PDAP1: variants seen among roughly 807,000 people sequenced by gnomAD.
PDAP1 encodes 28 kDa heat- and acid-stable phosphoprotein.
PDAP1 carries 13 observed loss-of-function variants against 28.0 expected under a neutral mutation model. That is an observed-to-expected ratio of 0.46 (90% CI 0.30 to 0.74). The LOEUF is 0.74. PDAP1 is among the 30% of genes least tolerant of loss of function. The probability of loss-of-function intolerance (pLI) is 0.07; values close to 1 mark genes in which losing one functional copy is unlikely to be tolerated. For missense variants in PDAP1, 150 were observed against 230.0 expected, an observed-to-expected ratio of 0.65 and a Z score of 2.25; for synonymous variants, 77 against 85.1, an observed-to-expected ratio of 0.91 and a Z score of 0.52.
intron 1 of PDAP1, among the ~76,000 whole-genome samples, chr7:99,407,637 C>A (rs1795005624): frequency 6.6e-6 from 1 of 152,212 alleles, no homozygotes; most frequent in Non-Finnish European, 1.5e-5. Context: ...AATTTTACCA[C>A]CCCGGCCCCA....
intron 3 of PDAP1, 72 bp downstream of exon 3, chr7:99,403,326 C>T (rs182825751): frequency 1.1e-6 from 1 of 917,272 alleles, no homozygotes; most frequent in African/African-American, 1.6e-5. Flanking sequence ...GGGACTAGTA[C>T]TAAACGGTCA....
chr7:99,405,317 T>C (rs1794953226), intron 1 of PDAP1, among the ~76,000 whole-genome samples: 1 of 151,746 alleles, frequency 6.6e-6, no homozygotes. Context: ...CTGCCGTCAC[T>C]ATAAGGGCTT....
At chr7:99,407,145 T>C (rs1385889820) in intron 1 of PDAP1, among the ~76,000 whole-genome samples, 1 of 152,194 alleles carries the variant, frequency 6.6e-6, no homozygotes, top group Non-Finnish European at 1.5e-5. Flanking sequence ...GGTCCTTTGC[T>C]CTTAGGGAGT....
Position 99,396,244 on chromosome 7 carries a change from GC to G in PDAP1, c.*437del. On this transcript the variant is annotated 3_prime_UTR_variant, in exon 6 of 6. Transcript: ENST00000350498. ...CAGGGGCACAGGCTCCCAGATGATA[GC>G]CCCTCTCTGAATGAGCACCCAGGCA... 1 of 248,408 alleles carries G rather than the reference GC, an allele frequency of 4.0e-6. No homozygotes were observed. The highest frequency in any genetic ancestry group is 1.5e-3 in the Middle Eastern group (1 of 666). 15.4% of individuals were successfully genotyped at this position (248,408 alleles called of 1,614,324 possible). A position where few individuals can be genotyped will look rare whatever the true frequency, so the allele number is the denominator to read the frequency against.
chr7:99,402,712 C>A (rs1324196225), intron 3 of PDAP1, among the ~76,000 whole-genome samples: 1 of 151,266 alleles, frequency 6.6e-6, no homozygotes, highest in East Asian at 1.9e-4. Context: ...GAAACCCTGT[C>A]TCTACTAAAA....
rs1315357838 is a variant in PDAP1 at position 99,396,674 on chromosome 7, G to T, written c.*8C>A. On this transcript the variant is annotated 3_prime_UTR_variant, in exon 6 of 6. Transcript: ENST00000350498. ...CAGGTCCCCGGCATCTCCTCCCACGGGTCGCAGTTACTTATTCAGGGAGAG... is the reference window on the plus strand; with the variant it reads ...CAGGTCCCCGGCATCTCCTCCCACGTGTCGCAGTTACTTATTCAGGGAGAG... 6.2e-7 allele frequency: 1 copy of T among 1,610,400 alleles called. No homozygotes were observed. The highest frequency in any genetic ancestry group is 2.2e-4 in the Middle Eastern group (1 of 4,448).
intron 3 of PDAP1, among the ~76,000 whole-genome samples, chr7:99,400,638 G>A (rs1285551448): frequency 6.6e-6 from 1 of 152,176 alleles, no homozygotes; most frequent in East Asian, 1.9e-4. Flanking sequence ...GCTCGGGGTC[G>A]AATAACTTGC....
At chr7:99,399,325 A>G (rs1193851258) in intron 4 of PDAP1, among the ~76,000 whole-genome samples, 3 of 152,210 alleles carry the variant, frequency 2.0e-5, no homozygotes, top group Admixed American at 2.0e-4. Context: ...GCTGAGCCTC[A>G]GGAATGATGA....
intron 3 of PDAP1, among the ~76,000 whole-genome samples, chr7:99,403,042 A>G (rs986345773): frequency 9.2e-5 from 14 of 152,140 alleles, no homozygotes; most frequent in African/African-American, 3.4e-4. Context: ...GAACATGCCA[A>G]GCTTATTCCC....
intron 5 of PDAP1, 27 bp downstream of exon 5, chr7:99,397,835 T>C: frequency 1.9e-6 from 3 of 1,609,170 alleles, no homozygotes; most frequent in Non-Finnish European, 2.5e-6. Context: ...TTGGGGCCTG[T>C]CCCTGCGTGC....
chr7:99,408,469 G>T (rs1044016594), intron 1 of PDAP1, 67 bp downstream of exon 1: 2 of 1,317,192 alleles, frequency 1.5e-6, no homozygotes, highest in Non-Finnish European at 2.0e-6. Context: ...CACGGGCTGA[G>T]GGGACAGCGG....
At chr7:99,400,183 A>G (rs530579996) in intron 4 of PDAP1, 120 bp downstream of exon 4, 2 of 1,107,184 alleles carry the variant, frequency 1.8e-6, no homozygotes, top group Non-Finnish European at 2.6e-6. Flanking sequence ...CTGGAGGGCC[A>G]TTGGGGAATG....
rs747685402 is a variant in PDAP1, at chr7:99,404,957, C to T, written c.14-4G>A. ...CCTTTGTGGCCTCCCTTTCTTCCTGCAGAGACCCGCAGTTTAGGTGAGCGG... is the reference window on the plus strand; with the variant it reads ...CCTTTGTGGCCTCCCTTTCTTCCTGTAGAGACCCGCAGTTTAGGTGAGCGG... On this transcript the variant is annotated splice_region_variant and splice_polypyrimidine_tract_variant and intron_variant, in intron 1 of 5. Coordinates refer to ENST00000350498, the MANE Select transcript of PDAP1 (RefSeq NM_014891.7). The T allele has an allele frequency of 2.9e-5, 47 of 1,611,232 alleles. No individual in the cohort carries two copies. Among genetic ancestry groups the T allele is most frequent in the Middle Eastern group, 1.6e-4 (1 of 6,072 alleles).
rs146546038 is a variant in PDAP1, at chr7:99,399,219, G to C, written c.335+1084C>G. ...GGGAGGGAGAGGGACTCCCGAGTGG[G>C]AAGAGCAGATGCCTCACTACAGAGC... On this transcript the variant is annotated intron_variant, in intron 4 of 5. Coordinates refer to ENST00000350498, the MANE Select transcript of PDAP1 (RefSeq NM_014891.7). Among the ~76,000 whole-genome samples the C allele has an allele frequency of 9.9e-5, 15 of 152,282 alleles. No individual in the cohort carries two copies. In the East Asian group the frequency reaches 2.5e-3, roughly 25 times the overall value.
chr7:99,400,247 C>G, intron 4 of PDAP1, 56 bp downstream of exon 4: 4 of 1,600,840 alleles, frequency 2.5e-6, no homozygotes, highest in Non-Finnish European at 2.6e-6. Flanking sequence ...TAGCATCCCA[C>G]AGGCCAACTG....
At chr7:99,402,656 G>A (rs1584421062) in intron 3 of PDAP1, among the ~76,000 whole-genome samples, 1 of 151,148 alleles carries the variant, frequency 6.6e-6, no homozygotes, top group Non-Finnish European at 1.5e-5. Flanking sequence ...GCTGATGCGG[G>A]TGGATCACGA....
At chr7:99,404,022 G>A (rs560490890) in intron 2 of PDAP1, among the ~76,000 whole-genome samples, 29 of 152,280 alleles carry the variant, frequency 1.9e-4, no homozygotes, top group African/African-American at 6.5e-4. Flanking sequence ...ACCTCGGAAG[G>A]CTGCTTCCCT....
At chr7:99,403,256 T>C (rs938614342) in intron 3 of PDAP1, 142 bp downstream of exon 3, 1 of 619,682 alleles carries the variant, frequency 1.6e-6, no homozygotes, top group East Asian at 2.7e-5. Flanking sequence ...GTTTACTTCT[T>C]TGTTGTATCT....
intron 1 of PDAP1, 84 bp from the exon 2 acceptor site, chr7:99,405,037 C>T: frequency 1.0e-6 from 1 of 1,001,324 alleles, no homozygotes; most frequent in Admixed American, 2.0e-5. Context: ...GCTTGGAGTA[C>T]TCTCATCGGA....
Sources: gnomAD v4.1 joint callset for allele counts (sites outside exome capture counted in the v4.1 genomes callset) on GRCh38, gnomAD v4.1.1 for gene constraint, MANE v1.5 for transcripts, NCBI Gene and HGNC (gene_info 2026-07-23, HGNC 2026-07-21) for gene names.